NUDCD1: variants seen among roughly 807,000 people sequenced by gnomAD.
NUDCD1 encodes NudC domain containing 1.
NUDCD1 carries 60 observed loss-of-function variants against 67.8 expected under a neutral mutation model. The observed-to-expected ratio is 0.88, with a 90% CI of 0.72 to 1.10. The LOEUF is 1.10. Among genes scored for constraint, NUDCD1 ranks in the 50% least tolerant of loss-of-function variants. The pLI, the probability that NUDCD1 is intolerant of heterozygous loss-of-function variation, is 0.00. For missense variants in NUDCD1, 643 were observed against 695.0 expected (o/e 0.93, Z 0.84); for synonymous variants, 244 against 230.8 (o/e 1.06, Z -0.52).
At position 109,279,281 on chromosome 8, in the gene NUDCD1, T is replaced by C. The variant is rs1224143430; in HGVS notation, c.1028+1687A>G. ...TGGTGCCCCACATCCTTGCCAACGT[T>C]TGATACTGTCAGTCTTCAAAGTTTT... On this transcript the variant is annotated intron_variant, in intron 6 of 9. Transcript: ENST00000239690. 3.3e-5 allele frequency among the ~76,000 whole-genome samples: 5 copies of C among 152,314 alleles called. No individual in the cohort carries two copies. The East Asian group carries it at 9.6e-4, about 29-fold the overall frequency.
At chr8:109,246,989 C>T (rs771103146) in intron 8 of NUDCD1, among the ~76,000 whole-genome samples, 16 of 152,130 alleles carry the variant, frequency 1.1e-4, no homozygotes, top group Non-Finnish European at 2.4e-4. Flanking sequence ...CCCAGCAATG[C>T]CAGGGAAATA....
intron 5 of NUDCD1, among the ~76,000 whole-genome samples, chr8:109,283,664 A>G (rs568666064): frequency 1.1e-5 from 1 of 89,190 alleles, no homozygotes; most frequent in Non-Finnish European, 2.0e-5. Flanking sequence ...AGAATTTCAT[A>G]TCCCACTAAA....
intron 8 of NUDCD1, among the ~76,000 whole-genome samples, chr8:109,257,153 A>C (rs547718406): frequency 6.6e-6 from 1 of 152,212 alleles, no homozygotes; most frequent in Admixed American, 6.5e-5. Flanking sequence ...TAGCTAGTAC[A>C]ATAAGGTAAG....
intron 2 of NUDCD1, among the ~76,000 whole-genome samples, chr8:109,305,494 C>T (rs2130075934): frequency 6.6e-6 from 1 of 152,296 alleles, no homozygotes; most frequent in Non-Finnish European, 1.5e-5. Context: ...CCTCACCAAG[C>T]TCAGCCTCCA....
At chr8:109,244,712 A>C (rs1296533930) in intron 9 of NUDCD1, among the ~76,000 whole-genome samples, 1 of 152,212 alleles carries the variant, frequency 6.6e-6, no homozygotes, top group Admixed American at 6.5e-5. Flanking sequence ...ACACAATACT[A>C]ATGCATTTTG....
At position 109,242,012 on chromosome 8, in the gene NUDCD1, T is replaced by C. The variant is rs1484357827; in HGVS notation, c.*997A>G. 5.0e-6 allele frequency: 2 copies of C among 397,624 alleles called. No homozygotes were observed. Among genetic ancestry groups the C allele is most frequent in the Non-Finnish European group, 8.9e-6 (2 of 225,438 alleles). The allele number at this position is 397,624 out of a possible 1,614,324, so 24.6% of individuals were successfully genotyped here. A position where few individuals can be genotyped will look rare whatever the true frequency, so the allele number is the denominator to read the frequency against. The stretch of plus-strand genomic sequence containing the variant: ...CTATAACATATAAACAGGATTATTT[T>C]GTTGAAGTTGTTAGAAAAATAAAGA... On this transcript the variant is annotated 3_prime_UTR_variant, in exon 10 of 10. Coordinates refer to ENST00000239690, the MANE Select transcript of NUDCD1 (RefSeq NM_032869.4).
At chr8:109,253,859 T>C (rs970923096) in intron 8 of NUDCD1, among the ~76,000 whole-genome samples, 1 of 152,112 alleles carries the variant, frequency 6.6e-6, no homozygotes. Flanking sequence ...AGAAAAAATA[T>C]ATGAATAACA....
At chr8:109,330,315 A>G (rs906585884) in intron 1 of NUDCD1, among the ~76,000 whole-genome samples, 1 of 152,204 alleles carries the variant, frequency 6.6e-6, no homozygotes, top group Non-Finnish European at 1.5e-5. Context: ...CATTGCATCA[A>G]GTTCTTGACA....
chr8:109,263,072 A>C (rs1302585683), intron 8 of NUDCD1, among the ~76,000 whole-genome samples: 1 of 150,188 alleles, frequency 6.7e-6, no homozygotes, highest in Non-Finnish European at 1.5e-5. Context: ...AAAAAAAAAA[A>C]AAAAAAACCC....
chr8:109,331,749 T>C (rs1815813523), intron 1 of NUDCD1, among the ~76,000 whole-genome samples: 1 of 152,196 alleles, frequency 6.6e-6, no homozygotes. Flanking sequence ...GAGTAAATGA[T>C]AGTTTTTAAG....
chr8:109,291,888 A>C (rs1364812290), intron 4 of NUDCD1, among the ~76,000 whole-genome samples: 1 of 152,102 alleles, frequency 6.6e-6, no homozygotes, highest in African/African-American at 2.4e-5. Context: ...TCTTGGAGAA[A>C]GGAGGAGGAA....
At chr8:109,271,288 T>C (rs1339474187) in intron 7 of NUDCD1, among the ~76,000 whole-genome samples, 158 bp from the exon 8 acceptor site, 1 of 151,978 alleles carries the variant, frequency 6.6e-6, no homozygotes, top group Non-Finnish European at 1.5e-5. Context: ...AATAACAGAA[T>C]GATGAAGTCA....
At chr8:109,290,620 G>C (rs970755301) in intron 4 of NUDCD1, among the ~76,000 whole-genome samples, 2 of 152,012 alleles carry the variant, frequency 1.3e-5, no homozygotes, top group Admixed American at 6.6e-5. Flanking sequence ...ACATAAATTA[G>C]TGCTACTTTT....
intron 1 of NUDCD1, among the ~76,000 whole-genome samples, chr8:109,326,732 T>G (rs1229376645): frequency 6.6e-6 from 1 of 152,178 alleles, no homozygotes; most frequent in Admixed American, 6.5e-5. Flanking sequence ...AACCTAGTTT[T>G]TCACACATGA....
At chr8:109,308,235 C>T (rs567001160) in intron 2 of NUDCD1, among the ~76,000 whole-genome samples, 1 of 152,236 alleles carries the variant, frequency 6.6e-6, no homozygotes, top group Admixed American at 6.5e-5. Flanking sequence ...ATCATTGGGT[C>T]AAAAAATGAA....
At chr8:109,275,955 G>C (rs2129967951) in intron 6 of NUDCD1, among the ~76,000 whole-genome samples, 1 of 152,110 alleles carries the variant, frequency 6.6e-6, no homozygotes, top group Non-Finnish European at 1.5e-5. Flanking sequence ...CAAACTAAGA[G>C]CCATAATATA....
Position 109,241,331 on chromosome 8 carries a change from A to C in NUDCD1, c.*1678T>G, listed in dbSNP as rs2129835318. On this transcript the variant is annotated 3_prime_UTR_variant, in exon 10 of 10. Coordinates refer to ENST00000239690, the MANE Select transcript of NUDCD1 (RefSeq NM_032869.4). The stretch of plus-strand genomic sequence containing the variant: ...TTATACATTTTTCTTATGTTCCCTA[A>C]GAGGATATTATCTTTGGGGAAAATT... 1 of 152,276 alleles carries C rather than the reference A, an allele frequency of 6.6e-6. No individual in the cohort carries two copies. Among genetic ancestry groups the C allele is most frequent in the African/African-American group, 2.4e-5 (1 of 41,550 alleles). The allele number at this position is 152,276 out of a possible 1,614,324, so 9.4% of individuals were successfully genotyped here. A position where few individuals can be genotyped will look rare whatever the true frequency, so the allele number is the denominator to read the frequency against.
At chr8:109,256,870 T>A (rs1196767494) in intron 8 of NUDCD1, among the ~76,000 whole-genome samples, 1 of 151,646 alleles carries the variant, frequency 6.6e-6, no homozygotes, top group Admixed American at 6.6e-5. Flanking sequence ...ATAAAAAAAG[T>A]ACAAAATAAA....
At chr8:109,306,247 T>C (rs1233482660) in intron 2 of NUDCD1, among the ~76,000 whole-genome samples, 1 of 152,204 alleles carries the variant, frequency 6.6e-6, no homozygotes, top group Non-Finnish European at 1.5e-5. Context: ...TAGATGCTCT[T>C]TGCTGACAGG....
Sources: allele counts gnomAD v4.1 joint callset (sites outside exome capture counted in the v4.1 genomes callset), GRCh38; gene constraint gnomAD v4.1.1; transcripts MANE v1.5; gene names NCBI Gene and HGNC (gene_info 2026-07-23, HGNC 2026-07-21).